Variants in SEMA6D observed in about 807,000 individuals in gnomAD.
The protein encoded by SEMA6D is semaphorin-6D.
Under a neutral mutation model 106.6 loss-of-function variants are expected in SEMA6D, and 35 were observed. The ratio of observed to expected loss-of-function variants is 0.33; its 90% CI spans 0.25 to 0.44. The LOEUF (loss-of-function observed/expected upper bound fraction) is 0.44, where lower values mean the gene tolerates loss of function less well. Ranked by LOEUF, SEMA6D falls within the 20% of genes least tolerant of loss-of-function variation. The pLI, the probability that SEMA6D is intolerant of heterozygous loss-of-function variation, is 1.00. For missense variants in SEMA6D, 1,185 were observed against 1,345.9 expected (o/e 0.88, Z 1.87); for synonymous variants, 499 against 487.7 (o/e 1.02, Z -0.31).
chr15:47,765,363 C>G (rs2082282095), intron 13 of SEMA6D: 1 of 1,149,128 alleles, frequency 8.7e-7, no homozygotes, highest in Non-Finnish European at 1.1e-6. Context: ...ATGCAGCAGA[C>G]AGCTGTGAGC....
At chr15:47,360,762 A>T (rs1449875167) in intron 1 of SEMA6D, among the ~76,000 whole-genome samples, 1 of 152,266 alleles carries the variant, frequency 6.6e-6, no homozygotes, top group Non-Finnish European at 1.5e-5. Context: ...ATCCCTAATC[A>T]TATTTAGAAA....
intron 4 of SEMA6D, among the ~76,000 whole-genome samples, chr15:47,611,164 CA>C (rs1408820646): frequency 3.3e-5 from 5 of 151,666 alleles, no homozygotes; most frequent in Non-Finnish European, 7.4e-5. Flanking sequence ...CACACACACA[CA>C]CACACACACA....
chr15:47,260,777 A>T (rs2034036209), intron 1 of SEMA6D, among the ~76,000 whole-genome samples: 1 of 152,114 alleles, frequency 6.6e-6, no homozygotes, highest in Admixed American at 6.5e-5. Context: ...TGGGAGGGAA[A>T]AATAGTGCTT....
In SEMA6D at chr15:47,282,499, C is replaced by T. The variant is rs553241669; in HGVS notation, c.-239+98081C>T. Among the ~76,000 whole-genome samples, 12 of 152,206 alleles carry T rather than the reference C, an allele frequency of 7.9e-5. No individual in the cohort carries two copies. The South Asian group carries it at 2.3e-3, about 29-fold the overall frequency. ...TTGGTAATTTTTAGGTGCCTACTAT[C>T]GTGAGTACTGTTGCTACAAACACTC... On this transcript the variant is annotated intron_variant, in intron 1 of 19. Transcript: ENST00000558014.
intron 4 of SEMA6D, among the ~76,000 whole-genome samples, chr15:47,664,333 C>A (rs749061023): frequency 1.3e-5 from 2 of 152,182 alleles, no homozygotes; most frequent in South Asian, 4.2e-4. Flanking sequence ...AATAACTGAG[C>A]TCTGTTTATA....
At chr15:47,739,518 G>GT (rs2080666803) in intron 1 of SEMA6D, among the ~76,000 whole-genome samples, 1 of 152,142 alleles carries the variant, frequency 6.6e-6, no homozygotes, top group Non-Finnish European at 1.5e-5. Flanking sequence ...ATAGGTTTTA[G>GT]TGGTGGGTCT....
intron 3 of SEMA6D, among the ~76,000 whole-genome samples, chr15:47,532,142 A>T (rs1293815601): frequency 6.6e-6 from 1 of 152,170 alleles, no homozygotes; most frequent in East Asian, 1.9e-4. Flanking sequence ...ACAGTCCAGG[A>T]AGTTTTCCTG....
At chr15:47,455,850 A>G (rs568501637) in intron 2 of SEMA6D, among the ~76,000 whole-genome samples, 6 of 152,046 alleles carry the variant, frequency 3.9e-5, no homozygotes, top group African/African-American at 1.2e-4. Context: ...AGATCCTGAT[A>G]TAGTAATAGG....
chr15:47,580,413 G>A (rs1596357569), intron 3 of SEMA6D, among the ~76,000 whole-genome samples: 2 of 152,130 alleles, frequency 1.3e-5, no homozygotes, highest in East Asian at 3.9e-4. Flanking sequence ...GACTAGCAAG[G>A]TGCAAGGACC....
chr15:47,473,415 A>G (rs2141205153), intron 3 of SEMA6D, among the ~76,000 whole-genome samples: 1 of 152,280 alleles, frequency 6.6e-6, no homozygotes, highest in Middle Eastern at 3.4e-3. Context: ...AGAGACACCA[A>G]GGCCAACTTT....
chr15:47,531,044 A>G (rs532729153), intron 3 of SEMA6D, among the ~76,000 whole-genome samples: 5 of 152,346 alleles, frequency 3.3e-5, no homozygotes, highest in South Asian at 4.1e-4. Flanking sequence ...TATTTATACA[A>G]GAAATTAAAA....
At chr15:47,474,302 C>T (rs887740781) in intron 3 of SEMA6D, among the ~76,000 whole-genome samples, 1 of 152,286 alleles carries the variant, frequency 6.6e-6, no homozygotes. Context: ...AGCCAGAGGC[C>T]TCTCTCCTTT....
chr15:47,386,554 TC>T (rs1373304109), intron 1 of SEMA6D, among the ~76,000 whole-genome samples: 2 of 152,172 alleles, frequency 1.3e-5, no homozygotes, highest in Non-Finnish European at 2.9e-5. Context: ...TAATGAAAGT[TC>T]CGCAAGGCCA....
At chr15:47,444,943 T>C (rs2140848992) in intron 2 of SEMA6D, among the ~76,000 whole-genome samples, 1 of 152,102 alleles carries the variant, frequency 6.6e-6, no homozygotes, top group African/African-American at 2.4e-5. Context: ...AGGATGAATG[T>C]GGGGGTTTTA....
intron 3 of SEMA6D, among the ~76,000 whole-genome samples, chr15:47,534,068 G>T (rs1489688415): frequency 1.3e-5 from 2 of 152,142 alleles, no homozygotes; most frequent in Non-Finnish European, 2.9e-5. Flanking sequence ...AATGCTTTGT[G>T]GCACAGATTG....
At position 47,701,072 on chromosome 15, in the gene SEMA6D, A is replaced by C. The variant is rs527941805; in HGVS notation, c.-54-58673A>C. Among the ~76,000 whole-genome samples, 4 of 152,230 alleles carry C rather than the reference A, an allele frequency of 2.6e-5. No homozygotes were observed. The East Asian group carries it at 7.7e-4, about 29-fold the overall frequency. ...AGATACAGCACCAAAGGCACAGTCT[A>C]TGAAAGAAGGAAGTGGTAAGCTGGA... On this transcript the variant is annotated intron_variant, in intron 4 of 19. Transcript: ENST00000558014.
intron 1 of SEMA6D, among the ~76,000 whole-genome samples, chr15:47,305,991 T>C (rs569636089): frequency 6.6e-6 from 1 of 152,274 alleles, no homozygotes; most frequent in Admixed American, 6.5e-5. Context: ...TTTTTTCTTT[T>C]TTTCTTTTTG....
chr15:47,759,805 G>A lies in SEMA6D; in HGVS notation c.7G>A (p.Val3Ile). The change falls in exon 2 of 19, where the codon GTC becomes ATC. Residue 3 changes from valine to isoleucine, a missense_variant. Val to Ile is a conservative substitution (Grantham distance 29). Transcript: ENST00000536845. MR[V>I]FLLCAYILLL... ...GACTTCACCTTGGCCCACCATGAGG[G>A]TCTTCCTGCTTTGTGCCTACATACT... 6.2e-7 allele frequency: 1 copy of A among 1,613,600 alleles called. No homozygotes were observed.
chr15:47,532,148 T>C (rs1353294361), intron 3 of SEMA6D, among the ~76,000 whole-genome samples: 1 of 152,212 alleles, frequency 6.6e-6, no homozygotes, highest in Non-Finnish European at 1.5e-5. Flanking sequence ...CAGGAAGTTT[T>C]CCTGTAATGG....
Sources: allele counts gnomAD v4.1 joint callset (sites outside exome capture counted in the v4.1 genomes callset), GRCh38; gene constraint gnomAD v4.1.1; transcripts MANE v1.5; gene names NCBI Gene and HGNC (gene_info 2026-07-23, HGNC 2026-07-21).